Variants in MROH7 observed in about 807,000 individuals in gnomAD.
The protein encoded by MROH7 is maestro heat like repeat family member 7.
A neutral mutation model predicts 129.2 loss-of-function variants in MROH7; 113 were observed. That is an observed-to-expected ratio of 0.87 (90% CI 0.75 to 1.02). The LOEUF (loss-of-function observed/expected upper bound fraction) is 1.02, where lower values mean the gene tolerates loss of function less well. Ranked by LOEUF, MROH7 falls within the 50% of genes least tolerant of loss-of-function variation. MROH7 has a pLI of 0.00. For synonymous variants in MROH7, 655 were observed against 667.9 expected, an observed-to-expected ratio of 0.98 and a Z score of 0.30; for missense variants, 1,601 against 1,671.3, an observed-to-expected ratio of 0.96 and a Z score of 0.73.
chr1:54,681,400 C>G (rs1302118519), intron 13 of MROH7, among the ~76,000 whole-genome samples: 1 of 152,188 alleles, frequency 6.6e-6, no homozygotes, highest in Non-Finnish European at 1.5e-5. Context: ...AGGGACAAAC[C>G]AAGTTACAAG....
At chr1:54,670,717 C>G in intron 6 of MROH7, 83 bp from the exon 7 acceptor site, 3 of 1,556,510 alleles carry the variant, frequency 1.9e-6, no homozygotes, top group Non-Finnish European at 2.6e-6. Flanking sequence ...TTGCCCAGTC[C>G]CTGTGCTCCT....
At chr1:54,679,815 C>T in intron 12 of MROH7, 76 bp from the exon 13 acceptor site, 1 of 1,436,658 alleles carries the variant, frequency 7.0e-7, no homozygotes, top group African/African-American at 1.4e-5. Context: ...CCCCTTCCCT[C>T]TCCTCCCACC....
chr1:54,650,134 C>T (rs57165702), intron 1 of MROH7, among the ~76,000 whole-genome samples: 2 of 152,170 alleles, frequency 1.3e-5, no homozygotes, highest in African/African-American at 4.8e-5. Context: ...TAGTTAAGGG[C>T]TTCGGTGGGC....
Position 54,679,380 on chromosome 1 carries a change from GC to G in MROH7, c.2169del (p.Ser724ArgfsTer19). 4.3e-6 allele frequency: 7 copies of G among 1,614,118 alleles called. No individual in the cohort carries two copies. Among genetic ancestry groups the G allele is most frequent in the Non-Finnish European group, 5.9e-6 (7 of 1,180,032 alleles). ...GKDSREMMQL[A>X]SEVMLSSVLE... ...GGACTCCAGGGAGATGATGCAGCTGGCCTCGGAGGTCATGCTCAGCTCGGTG... is the reference window on the plus strand; with the variant it reads ...GGACTCCAGGGAGATGATGCAGCTGGCTCGGAGGTCATGCTCAGCTCGGTG... On this transcript the variant is annotated frameshift_variant, in exon 12 of 24. Coordinates refer to ENST00000421030, the MANE Select transcript of MROH7 (RefSeq NM_001039464.4). LOFTEE classifies it high-confidence loss of function.
In MROH7 at chr1:54,653,417, G is replaced by T. The variant is rs1212046975; in HGVS notation, c.491G>T (p.Gly164Val). 1 of 1,614,144 alleles carries T rather than the reference G, an allele frequency of 6.2e-7. No homozygotes were observed. Among genetic ancestry groups the T allele is most frequent in the Non-Finnish European group, 8.5e-7 (1 of 1,180,036 alleles). ...CTCTCAAGTAAGATTTTCAAGTTGGGTCAGAGAAACTCCAACCCTTCTAGG... is the reference window on the plus strand; with the variant it reads ...CTCTCAAGTAAGATTTTCAAGTTGGTTCAGAGAAACTCCAACCCTTCTAGG... ...KCLSSKIFKL[G>V]QRNSNPSRHE... is the part of the protein sequence containing the mutation. Residue 164 changes from glycine (G) to valine (V), a missense_variant, in exon 3 of 24, where the codon GGT becomes GTT. Physicochemically the swap from Gly to Val is moderately radical, Grantham distance 109 (BLOSUM62 -3). Coordinates refer to ENST00000421030, the MANE Select transcript of MROH7 (RefSeq NM_001039464.4).
chr1:54,665,666 A>G (rs1335709048), intron 4 of MROH7: 1 of 161,104 alleles, frequency 6.2e-6, no homozygotes, highest in Admixed American at 5.9e-5. Context: ...GCCCAAGAAG[A>G]CCAGTCCAGC....
At chr1:54,674,237 C>T in intron 10 of MROH7, 86 bp downstream of exon 10, 1 of 1,473,212 alleles carries the variant, frequency 6.8e-7, no homozygotes. Flanking sequence ...GGAGCCTTGG[C>T]ATTAAGGCAC....
At chr1:54,686,932 CATTTACTTAT>C (rs1391788564) in intron 15 of MROH7, among the ~76,000 whole-genome samples, 1 of 152,164 alleles carries the variant, frequency 6.6e-6, no homozygotes, top group Non-Finnish European at 1.5e-5. Context: ...GGGATAAACA[CATTTACTTAT>C]ATTCTGTATT....
In MROH7 at chr1:54,702,262, C is replaced by G. The variant is rs769220828; in HGVS notation, c.3441+17C>G. ...GTAAGCCAGGTGAGTGTGCGTGGGC[C>G]CTGCACCCTCTACCCCTCCCTCGGG... On this transcript the variant is annotated intron_variant, in intron 20 of 23. Transcript: ENST00000421030. The G allele has an allele frequency of 2.1e-6, 3 of 1,448,992 alleles. No homozygotes were observed. The highest frequency in any genetic ancestry group is 2.6e-5 in the Admixed American group (1 of 38,844). The allele number at this position is 1,448,992 out of a possible 1,614,324, so 89.8% of individuals were successfully genotyped here. A position where few individuals can be genotyped will look rare whatever the true frequency, so the allele number is the denominator to read the frequency against.
chr1:54,650,724 C>T (rs969805276), intron 1 of MROH7, among the ~76,000 whole-genome samples: 5 of 148,672 alleles, frequency 3.4e-5, no homozygotes, highest in Non-Finnish European at 3.0e-5. Flanking sequence ...ATCGCCATCC[C>T]GATTTTTTTT....
At chr1:54,660,630 A>T (rs898817133) in intron 3 of MROH7, among the ~76,000 whole-genome samples, 1 of 152,154 alleles carries the variant, frequency 6.6e-6, no homozygotes, top group Admixed American at 6.5e-5. Flanking sequence ...CCTGACCAAC[A>T]TGGAGAAACC....
intron 1 of MROH7, among the ~76,000 whole-genome samples, chr1:54,647,168 T>C (rs1482661141): frequency 6.6e-6 from 1 of 152,248 alleles, no homozygotes; most frequent in African/African-American, 2.4e-5. Flanking sequence ...TTTTCTTTTG[T>C]TGCTTATGTT....
At chr1:54,707,496 G>C (rs1645553667) in intron 22 of MROH7, among the ~76,000 whole-genome samples, 1 of 152,216 alleles carries the variant, frequency 6.6e-6, no homozygotes, top group Non-Finnish European at 1.5e-5. Context: ...GCTGATGAAG[G>C]TGTGGCGATA....
At chr1:54,656,240 G>T (rs12097943) in intron 3 of MROH7, among the ~76,000 whole-genome samples, 81,130 of 150,534 alleles carry the variant, frequency 0.54, 23,372 homozygotes, top group Non-Finnish European at 0.66. Context: ...GGCTGAGTGT[G>T]GTGGCTCACG....
rs34295281 is a variant in MROH7, at chr1:54,670,003, CAA to C, written c.1390-475_1390-474del. On this transcript the variant is annotated intron_variant, in intron 5 of 23. Transcript: ENST00000421030. Reference sequence around the variant, plus strand: ...TGGGTAACAGAGCAAGACTTCATGTCAAAAAAAAAAAAAAAAAAAATAGTTCA... The same window carrying C: ...TGGGTAACAGAGCAAGACTTCATGTCAAAAAAAAAAAAAAAAAATAGTTCA... Among the ~76,000 whole-genome samples, 271 of 105,238 alleles carry C rather than the reference CAA, an allele frequency of 2.6e-3. 1 individual carries two copies. Among genetic ancestry groups the C allele is most frequent in the African/African-American group, 7.8e-3 (231 of 29,514 alleles). 69.0% of individuals were successfully genotyped at this position (105,238 alleles called of 152,430 possible).
intron 17 of MROH7, chr1:54,699,274 TC>T (rs1249771616): frequency 3.3e-5 from 5 of 149,504 alleles, no homozygotes; most frequent in Non-Finnish European, 5.9e-5. Context: ...CCTCCTTCCC[TC>T]CCTCCTTCTC....
At chr1:54,679,142 C>T in intron 11 of MROH7, 121 bp from the exon 12 acceptor site, 1 of 994,652 alleles carries the variant, frequency 1.0e-6, no homozygotes, top group East Asian at 2.4e-5. Flanking sequence ...ATATTCCTGG[C>T]CCTCCCTGCT....
intron 4 of MROH7, 87 bp downstream of exon 4, chr1:54,665,327 A>G (rs1420681611): frequency 1.1e-6 from 1 of 952,264 alleles, no homozygotes; most frequent in South Asian, 1.4e-5. Flanking sequence ...CAGCCTCCGC[A>G]TTCCCCATGC....
At chr1:54,709,157 A>G (rs542387832) in intron 23 of MROH7, 81 bp downstream of exon 23, 1 of 1,343,996 alleles carries the variant, frequency 7.4e-7, no homozygotes, top group Non-Finnish European at 1.1e-6. Flanking sequence ...AGGGAAAGGG[A>G]AGGGATGTGT....
Sources: gnomAD v4.1 joint callset for allele counts (sites outside exome capture counted in the v4.1 genomes callset) on GRCh38, gnomAD v4.1.1 for gene constraint, MANE v1.5 for transcripts, NCBI Gene and HGNC (gene_info 2026-07-23, HGNC 2026-07-21) for gene names.